Variants in RARB observed in about 807,000 individuals in gnomAD.
RARB encodes the protein retinoic acid receptor beta.
RARB carries 17 observed loss-of-function variants against 51.9 expected under a neutral mutation model. The observed-to-expected ratio is 0.33, with a 90% confidence interval of 0.22 to 0.49. The LOEUF (loss-of-function observed/expected upper bound fraction) is 0.49. Ranked by LOEUF, RARB falls within the 20% of genes least tolerant of loss-of-function variation. The pLI is 0.99. For synonymous variants in RARB, 215 were observed against 195.4 expected (o/e 1.10, Z -0.84); for missense variants, 369 against 550.8 (o/e 0.67, Z 3.30).
rs189493707 is a variant in RARB, at chr3:25,490,538, G to A, written c.307-10644G>A. On this transcript the variant is annotated intron_variant, in intron 2 of 7. Transcript: ENST00000330688. Reference sequence around the variant, plus strand: ...TGGTAAAGGGTTTCAGTATATATGAGCATGTTTTGGCTCTCTCTCCTTCTG... The same window carrying A: ...TGGTAAAGGGTTTCAGTATATATGAACATGTTTTGGCTCTCTCTCCTTCTG... 9.1e-4 allele frequency among the ~76,000 whole-genome samples: 139 copies of A among 152,212 alleles called. 1 individual carries two copies. Among genetic ancestry groups the A allele is most frequent in the African/African-American group, 2.9e-3 (121 of 41,538 alleles).
At chr3:25,121,443 G>C (rs1699781653) in intron 3 of RARB, among the ~76,000 whole-genome samples, 1 of 152,100 alleles carries the variant, frequency 6.6e-6, no homozygotes, top group Non-Finnish European at 1.5e-5. Context: ...ATGTAACACA[G>C]TTAATTGATG....
intron 2 of RARB, among the ~76,000 whole-genome samples, chr3:25,488,910 G>T (rs375959500): frequency 6.6e-6 from 1 of 152,130 alleles, no homozygotes; most frequent in African/African-American, 2.4e-5. Flanking sequence ...CTTTTATTAC[G>T]GAGACTGTTT....
intron 2 of RARB, among the ~76,000 whole-genome samples, chr3:25,463,463 G>C (rs753960345): frequency 6.6e-6 from 1 of 152,064 alleles, no homozygotes; most frequent in Non-Finnish European, 1.5e-5. Flanking sequence ...AAGAGATCGA[G>C]ACCATTCTGG....
chr3:25,452,175 GC>G (rs1160258720), intron 1 of RARB, among the ~76,000 whole-genome samples: 1 of 152,166 alleles, frequency 6.6e-6, no homozygotes, highest in African/African-American at 2.4e-5. Context: ...TTGAACACTG[GC>G]ATAAGCTATC....
intron 2 of RARB, among the ~76,000 whole-genome samples, chr3:24,877,056 T>C (rs907365131): frequency 1.3e-5 from 2 of 152,144 alleles, no homozygotes; most frequent in Non-Finnish European, 2.9e-5. Context: ...TTTTATCATG[T>C]ATATTTTCTC....
At chr3:25,511,277 C>T (rs1207449337) in intron 3 of RARB, among the ~76,000 whole-genome samples, 3 of 152,036 alleles carry the variant, frequency 2.0e-5, no homozygotes, top group Admixed American at 6.5e-5. Flanking sequence ...GGACTACAGG[C>T]GCCCGCCACC....
intron 2 of RARB, among the ~76,000 whole-genome samples, chr3:24,908,004 G>C (rs1694904995): frequency 6.6e-6 from 1 of 152,104 alleles, no homozygotes; most frequent in South Asian, 2.1e-4. Context: ...ACCGGAGTGA[G>C]GGGGTTTTGT....
intron 5 of RARB, among the ~76,000 whole-genome samples, chr3:25,385,529 A>G (rs943410015): frequency 1.3e-5 from 2 of 152,184 alleles, no homozygotes; most frequent in African/African-American, 2.4e-5. Context: ...CCAAATGAGC[A>G]TCCCTGGAGT....
chr3:25,158,449 C>A (rs1431949279), intron 4 of RARB, among the ~76,000 whole-genome samples: 2 of 152,178 alleles, frequency 1.3e-5, no homozygotes, highest in Non-Finnish European at 2.9e-5. Context: ...AGACCTATTT[C>A]AGTGATGCTA....
At chr3:25,240,668 C>T (rs1429812419) in intron 5 of RARB, among the ~76,000 whole-genome samples, 1 of 152,050 alleles carries the variant, frequency 6.6e-6, no homozygotes, top group Non-Finnish European at 1.5e-5. Context: ...TTCTTACATC[C>T]CTGAGATGAA....
intron 5 of RARB, among the ~76,000 whole-genome samples, chr3:25,259,258 T>G (rs1347867399): frequency 6.6e-6 from 1 of 152,172 alleles, no homozygotes; most frequent in East Asian, 1.9e-4. Flanking sequence ...TGCTGTGAAG[T>G]GGCTGCTCAG....
intron 5 of RARB, among the ~76,000 whole-genome samples, chr3:25,377,346 A>G (rs567001787): frequency 5.9e-5 from 9 of 152,324 alleles, no homozygotes; most frequent in African/African-American, 2.2e-4. Flanking sequence ...TGTCCTTTAC[A>G]AGGCAGACAG....
At chr3:25,278,492 T>C (rs1228315296) in intron 5 of RARB, among the ~76,000 whole-genome samples, 1 of 152,180 alleles carries the variant, frequency 6.6e-6, no homozygotes, top group Admixed American at 6.5e-5. Context: ...TAGGTCAAGG[T>C]ACATAGGTAC....
At chr3:25,570,486 C>T (rs1700666490) in intron 4 of RARB, among the ~76,000 whole-genome samples, 1 of 152,194 alleles carries the variant, frequency 6.6e-6, no homozygotes, top group Admixed American at 6.5e-5. Flanking sequence ...GGTAGGCATG[C>T]CCCATGCCCA....
chr3:24,844,274 G>A lies in RARB; in HGVS notation c.-458-14400G>A, dbSNP rs949770798. ...ATGCGTGCAGCCAGAACAAAGGCCT[G>A]GGAGCACTTTTTTTTCTTTCTTTTC... On this transcript the variant is annotated intron_variant, in intron 1 of 11. Transcript: ENST00000383772. Among the ~76,000 whole-genome samples, 4 of 152,224 alleles carry A rather than the reference G, an allele frequency of 2.6e-5. No individual in the cohort carries two copies. The South Asian group carries it at 8.3e-4, about 32-fold the overall frequency.
intron 5 of RARB, among the ~76,000 whole-genome samples, chr3:25,286,116 G>A (rs540066091): frequency 3.7e-4 from 44 of 117,610 alleles, no homozygotes; most frequent in African/African-American, 9.3e-4. Flanking sequence ...TTTTTGAGAC[G>A]GAGTCTCTGT....
intron 4 of RARB, among the ~76,000 whole-genome samples, chr3:25,160,264 G>A (rs187966840): frequency 1.9e-3 from 294 of 152,338 alleles, no homozygotes; most frequent in African/African-American, 6.3e-3. Flanking sequence ...TGGAGAAAGC[G>A]AAATAGCCAA....
intron 2 of RARB, among the ~76,000 whole-genome samples, chr3:24,888,298 T>A (rs7647791): frequency 0.027 from 4,113 of 152,284 alleles, 178 homozygotes; most frequent in African/African-American, 0.094. Context: ...TTATATATAT[T>A]GATTTGTTAA....
rs566744571 is a variant in RARB at position 25,411,916 on chromosome 3, T to C, written c.179-49277T>C. Among the ~76,000 whole-genome samples the C allele has an allele frequency of 5.3e-5, 8 of 152,168 alleles. No homozygotes were observed. In the East Asian group the frequency reaches 1.5e-3, roughly 29 times the overall value. ...AAGAGGGGCAGTGCAACAGGCCATGTAGGGACTGCAAGGCTAGGTAGGAAG... is the reference window on the plus strand; with the variant it reads ...AAGAGGGGCAGTGCAACAGGCCATGCAGGGACTGCAAGGCTAGGTAGGAAG... On this transcript the variant is annotated intron_variant, in intron 5 of 11. Transcript: ENST00000383772.
Sources: gnomAD v4.1 joint callset for allele counts (sites outside exome capture counted in the v4.1 genomes callset) on GRCh38, gnomAD v4.1.1 for gene constraint, MANE v1.5 for transcripts, NCBI Gene and HGNC (gene_info 2026-07-23, HGNC 2026-07-21) for gene names.